The following IQUB variants were observed in gnomAD, a reference collection of about 807,000 sequenced individuals.
The protein encoded by IQUB is IQ motif and ubiquitin-like domain-containing protein.
In IQUB, 86 loss-of-function variants were observed where a neutral mutation model predicts 86.4. That is an observed-to-expected ratio of 1.00 (90% CI 0.84 to 1.19). IQUB has a LOEUF of 1.19. Ranked by LOEUF, IQUB falls within the 50% of genes most tolerant of loss-of-function variation. The pLI is 0.00. For missense variants in IQUB, 946 were observed against 916.9 expected (o/e 1.03, Z -0.41); for synonymous variants, 289 against 304.5 (o/e 0.95, Z 0.53).
chr7:123,500,713 T>A (rs1795904786), intron 6 of IQUB, among the ~76,000 whole-genome samples: 1 of 152,106 alleles, frequency 6.6e-6, no homozygotes, highest in African/African-American at 2.4e-5. Flanking sequence ...CTTTCAAGAC[T>A]CTATGGGGCA....
At chr7:123,456,455 A>G (rs1460841626) in intron 12 of IQUB, among the ~76,000 whole-genome samples, 1 of 151,982 alleles carries the variant, frequency 6.6e-6, no homozygotes, top group Non-Finnish European at 1.5e-5. Context: ...CTAGAGTGAA[A>G]TTTTTCTTAG....
chr7:123,474,553 T>C (rs1332696548), intron 8 of IQUB, among the ~76,000 whole-genome samples: 1 of 152,200 alleles, frequency 6.6e-6, no homozygotes, highest in Non-Finnish European at 1.5e-5. Context: ...CTTCTTAGTA[T>C]AGAATCATAT....
At chr7:123,471,044 A>G (rs1794498053) in intron 8 of IQUB, among the ~76,000 whole-genome samples, 1 of 152,190 alleles carries the variant, frequency 6.6e-6, no homozygotes, top group Admixed American at 6.5e-5. Flanking sequence ...CAAAGCCAAA[A>G]TGAATGTTAT....
chr7:123,499,452 G>A (rs933663418), intron 6 of IQUB, among the ~76,000 whole-genome samples: 2 of 152,124 alleles, frequency 1.3e-5, no homozygotes, highest in African/African-American at 2.4e-5. Flanking sequence ...ATAAAATAAG[G>A]AAAGTTGATT....
Position 123,461,522 on chromosome 7 carries a change from A to G in IQUB, c.1842T>C (p.Ser614=). The change falls in exon 11 of 13, where the codon TCT becomes TCC. Residue 614 remains serine (S), a synonymous_variant. Transcript: ENST00000324698. ...CQLYLPSTEF[S]VSSTSRRIYR... ...ATATGCGGCGTGAGGTGGATGATAC[A>G]GAAAATTCTGTAGAAGGCAAATAAA... 6.2e-7 allele frequency: 1 copy of G among 1,612,332 alleles called. No homozygotes were observed. The highest frequency in any genetic ancestry group is 8.5e-7 in the Non-Finnish European group (1 of 1,178,914).
rs774622839 is a variant in IQUB at position 123,457,482 on chromosome 7, T to G, written c.2092A>C (p.Met698Leu). ...TCCAGGGATTTATTCCATCTGACCA[T>G]GACCAGATCACTGAGATTGTCGCAA... is the stretch of plus-strand genomic sequence containing the variant. ...SACDNLSDLV[M>L]VRWNKSLEWS... The change falls in exon 12 of 13, where the codon ATG becomes CTG. Residue 698 changes from methionine to leucine, a missense_variant. Met to Leu is a conservative substitution (Grantham distance 15, BLOSUM62 2). Transcript: ENST00000324698. 1.2e-6 allele frequency: 2 copies of G among 1,611,668 alleles called. No individual in the cohort carries two copies. Among genetic ancestry groups the G allele is most frequent in the African/African-American group, 1.3e-5 (1 of 74,828 alleles).
chr7:123,513,730 A>G (rs1478806381), intron 1 of IQUB, among the ~76,000 whole-genome samples: 1 of 151,920 alleles, frequency 6.6e-6, no homozygotes, highest in African/African-American at 2.4e-5. Context: ...CTCACTGCAA[A>G]CTCCACCTCC....
At position 123,509,030 on chromosome 7, in the gene IQUB, A is replaced by T. The variant is rs182148721; in HGVS notation, c.532+871T>A. 5.0e-4 allele frequency among the ~76,000 whole-genome samples: 76 copies of T among 152,332 alleles called. 1 individual carries two copies. The highest frequency in any genetic ancestry group is 1.8e-3 in the African/African-American group (75 of 41,590). On this transcript the variant is annotated intron_variant, in intron 3 of 12. Coordinates refer to ENST00000324698, the MANE Select transcript of IQUB (RefSeq NM_178827.5). ...GCAAATCAAGTTTTAACAATCACTT[A>T]TCTGAACACATGAACATCTTACATT...
At chr7:123,518,076 T>C (rs996119070) in intron 1 of IQUB, among the ~76,000 whole-genome samples, 1 of 152,154 alleles carries the variant, frequency 6.6e-6, no homozygotes, top group African/African-American at 2.4e-5. Flanking sequence ...GTAAATTATA[T>C]CTAACAGTAT....
Position 123,457,532 on chromosome 7 carries a change from C to A in IQUB, c.2042G>T (p.Trp681Leu), listed in dbSNP as rs374811119. The change falls in exon 12 of 13, where the codon TGG (tryptophan) becomes TTG (leucine). Residue 681 changes from tryptophan to leucine, a missense_variant. Physicochemically the swap from Trp to Leu is moderately conservative, Grantham distance 61. Transcript: ENST00000324698. ...QDIQYLTENI[W>L]ASQSVLSACD... ...AGCACTGAGGACTGACTGGGACGCC[C>A]AGATGTTCTCTGTCAGGTACTGAAT... 10 of 1,607,620 alleles carry A rather than the reference C, an allele frequency of 6.2e-6. No homozygotes were observed. Among genetic ancestry groups the A allele is most frequent in the Non-Finnish European group, 8.5e-6 (10 of 1,177,786 alleles).
At chr7:123,524,934 C>T (rs904276536) in intron 1 of IQUB, among the ~76,000 whole-genome samples, 3 of 151,682 alleles carry the variant, frequency 2.0e-5, no homozygotes, top group Non-Finnish European at 4.4e-5. Flanking sequence ...TTGTCAAAGG[C>T]CTTTTCTGCA....
At chr7:123,468,128 C>A (rs1584559615) in intron 9 of IQUB, among the ~76,000 whole-genome samples, 1 of 152,266 alleles carries the variant, frequency 6.6e-6, no homozygotes, top group East Asian at 1.9e-4. Flanking sequence ...AAATGGAAGT[C>A]TGGTAGCCTC....
At chr7:123,462,458 C>G (rs1276709243) in intron 10 of IQUB, among the ~76,000 whole-genome samples, 2 of 151,662 alleles carry the variant, frequency 1.3e-5, no homozygotes, top group African/African-American at 2.4e-5. Context: ...CTGCACCTTC[C>G]CCTCTACTCT....
At chr7:123,512,413 C>G in intron 1 of IQUB, 69 bp from the exon 2 acceptor site, 1 of 925,514 alleles carries the variant, frequency 1.1e-6, no homozygotes, top group Non-Finnish European at 1.6e-6. Flanking sequence ...AAATTCATTG[C>G]TAGTATAGAG....
Position 123,496,892 on chromosome 7 carries a change from C to T in IQUB, c.1038G>A (p.Gln346=), listed in dbSNP as rs752552744. 6.2e-7 allele frequency: 1 copy of T among 1,607,570 alleles called. No homozygotes were observed. Among genetic ancestry groups the T allele is most frequent in the South Asian group, 1.1e-5 (1 of 90,508 alleles). ...AQRLKAVIVI[Q]TYYRQWHAKI... is the part of the protein sequence containing the mutation. Reference sequence around the variant, plus strand: ...TAGCATGCCATTGCCTGTAGTAAGTCTGTATCACTATCACCTATAGTTAAA... The same window carrying T: ...TAGCATGCCATTGCCTGTAGTAAGTTTGTATCACTATCACCTATAGTTAAA... Residue 346 remains glutamine (Q), a synonymous_variant, in exon 7 of 13, where the codon CAG becomes CAA. Coordinates refer to ENST00000324698, the MANE Select transcript of IQUB (RefSeq NM_178827.5).
rs1463038869 is a variant in IQUB, at chr7:123,502,677, C to T, written c.943G>A (p.Val315Ile). 2 of 1,611,390 alleles carry T rather than the reference C, an allele frequency of 1.2e-6. No homozygotes were observed. The highest frequency in any genetic ancestry group is 4.5e-5 in the East Asian group (2 of 44,832). ...ACCAGTTTATCAGTCATATTTGATA[C>T]ATATACACCAATGTTAGTCATCTGT... ...STQMTNIGVY[V>I]SNMTDKLVTP... The change falls in exon 6 of 13, where the codon GTA (valine) becomes ATA (isoleucine). Residue 315 changes from valine (V) to isoleucine (I), a missense_variant. Coordinates refer to ENST00000324698, the MANE Select transcript of IQUB (RefSeq NM_178827.5).
intron 8 of IQUB, among the ~76,000 whole-genome samples, chr7:123,473,701 G>A (rs561498782): frequency 7.3e-5 from 11 of 150,876 alleles, no homozygotes; most frequent in Admixed American, 4.6e-4. Flanking sequence ...TCAGCCTCCC[G>A]AGTAGCTGGG....
intron 1 of IQUB, among the ~76,000 whole-genome samples, chr7:123,533,229 A>T (rs1029404574): frequency 6.6e-6 from 1 of 152,224 alleles, no homozygotes; most frequent in Non-Finnish European, 1.5e-5. Context: ...TGCAACAAAC[A>T]TTTTATACAT....
intron 7 of IQUB, among the ~76,000 whole-genome samples, chr7:123,490,006 AAAAC>A (rs1187807163): frequency 4.6e-5 from 7 of 151,978 alleles, no homozygotes; most frequent in East Asian, 1.9e-4. Flanking sequence ...GAGCAAATAT[AAAAC>A]AAACAGTGAA....
Sources: gnomAD v4.1 joint callset for allele counts (sites outside exome capture counted in the v4.1 genomes callset) on GRCh38, gnomAD v4.1.1 for gene constraint, MANE v1.5 for transcripts, NCBI Gene and HGNC (gene_info 2026-07-23, HGNC 2026-07-21) for gene names.